PCDHGA8: variants seen among roughly 807,000 people sequenced by gnomAD.
The protein encoded by PCDHGA8 is protocadherin gamma-A8.
In PCDHGA8, 45 loss-of-function variants were observed where a neutral mutation model predicts 59.2. The ratio of observed to expected loss-of-function variants is 0.76; its 90% CI spans 0.60 to 0.98. The LOEUF (loss-of-function observed/expected upper bound fraction) is 0.98. Among genes scored for constraint, PCDHGA8 ranks in the 50% least tolerant of loss-of-function variants. The pLI, the probability that PCDHGA8 is intolerant of heterozygous loss-of-function variation, is 0.00. For synonymous variants in PCDHGA8, 531 were observed against 519.0 expected (o/e 1.02, Z -0.32); for missense variants, 1,257 against 1,196.2 (o/e 1.05, Z -0.75).
At chr5:141,426,442 G>A (rs1205822455) in intron 1 of PCDHGA8, 9 of 306,752 alleles carry the variant, frequency 2.9e-5, no homozygotes, top group African/African-American at 4.3e-5. Context: ...CCTTGCGGAG[G>A]ACATGCGGCT....
chr5:141,404,771 C>T lies in PCDHGA8; in HGVS notation c.2424+9534C>T, dbSNP rs376650362. On this transcript the variant is annotated intron_variant, in intron 1 of 3. Coordinates refer to ENST00000398604, the MANE Select transcript of PCDHGA8 (RefSeq NM_032088.2). Reference sequence around the variant, plus strand: ...AGGCCAGAATGCTTGGCTCTCCTACCGCCTATTCAAGGCCAGTGAGCCAGG... The same window carrying T: ...AGGCCAGAATGCTTGGCTCTCCTACTGCCTATTCAAGGCCAGTGAGCCAGG... The T allele has an allele frequency of 3.3e-5, 53 of 1,613,868 alleles. No homozygotes were observed. Among genetic ancestry groups the T allele is most frequent in the African/African-American group, 1.9e-4 (14 of 74,938 alleles).
intron 1 of PCDHGA8, among the ~76,000 whole-genome samples, chr5:141,430,383 G>GA (rs139772145): frequency 0.061 from 8,436 of 138,452 alleles, 243 homozygotes; most frequent in South Asian, 0.089. Context: ...AGCTCATTGG[G>GA]AAAAAAAAAA....
Position 141,415,510 on chromosome 5 carries a change from T to C in PCDHGA8, c.2424+20273T>C, listed in dbSNP as rs780820182. On this transcript the variant is annotated intron_variant, in intron 1 of 3. Coordinates refer to ENST00000398604, the MANE Select transcript of PCDHGA8 (RefSeq NM_032088.2). ...TCACCTGATCTTCCCCCAGCCCAAT[T>C]ATGCGGACACGCTCATCAGCCAGGA... The C allele has an allele frequency of 2.5e-6, 4 of 1,614,088 alleles. No homozygotes were observed. The African/African-American group carries it at 5.3e-5, about 22-fold the overall frequency.
At position 141,421,063 on chromosome 5, in the gene PCDHGA8, G is replaced by A. The variant is rs575695102; in HGVS notation, c.2424+25826G>A. 4.7e-4 allele frequency: 274 copies of A among 581,982 alleles called. 4 individuals are homozygous for A. The South Asian group carries it at 6.4e-3, about 14-fold the overall frequency. 36.1% of individuals were successfully genotyped at this position (581,982 alleles called of 1,614,324 possible). On this transcript the variant is annotated intron_variant, in intron 1 of 3. Transcript: ENST00000398604. ...CTCCCCCGCCTCTACCACACAAAGC[G>A]GAATGAGATGGATACTCACAGATCC... is the stretch of plus-strand genomic sequence containing the variant.
Position 141,410,397 on chromosome 5 carries a change from G to T in PCDHGA8, c.2424+15160G>T, listed in dbSNP as rs1338071222. Reference sequence around the variant, plus strand: ...TGGGACTGCTTCCATCCTGGTCTCTGTGTCAAGTCTGGACCTGTAGTTCCC... The same window carrying T: ...TGGGACTGCTTCCATCCTGGTCTCTTTGTCAAGTCTGGACCTGTAGTTCCC... On this transcript the variant is annotated intron_variant, in intron 1 of 3. Coordinates refer to ENST00000398604, the MANE Select transcript of PCDHGA8 (RefSeq NM_032088.2). The T allele has an allele frequency of 3.7e-6, 6 of 1,613,930 alleles. No homozygotes were observed. The African/African-American group carries it at 8.0e-5, about 22-fold the overall frequency.
At chr5:141,500,450 C>A (rs2099800340) in intron 2 of PCDHGA8, among the ~76,000 whole-genome samples, 1 of 152,072 alleles carries the variant, frequency 6.6e-6, no homozygotes, top group Non-Finnish European at 1.5e-5. Flanking sequence ...ACCTCGTGAT[C>A]CGCCCGCCTC....
chr5:141,502,282 C>A (rs187281689), intron 2 of PCDHGA8, among the ~76,000 whole-genome samples: 1 of 151,848 alleles, frequency 6.6e-6, no homozygotes, highest in Non-Finnish European at 1.5e-5. Flanking sequence ...GCATAGATTG[C>A]ATTTGGTTGT....
chr5:141,443,254 G>A (rs185181143), intron 1 of PCDHGA8, among the ~76,000 whole-genome samples: 30 of 152,006 alleles, frequency 2.0e-4, no homozygotes, highest in Admixed American at 1.6e-3. Context: ...GCCAAGGCGG[G>A]TGGATCACTT....
chr5:141,430,913 C>A (rs1485488693), intron 1 of PCDHGA8: 1 of 1,607,720 alleles, frequency 6.2e-7, no homozygotes, highest in East Asian at 2.2e-5. Context: ...CTCCAGGGAC[C>A]TGGGGCTGGA....
chr5:141,436,998 A>G (rs985067199), intron 1 of PCDHGA8, among the ~76,000 whole-genome samples: 23 of 152,242 alleles, frequency 1.5e-4, no homozygotes, highest in South Asian at 2.1e-4. Flanking sequence ...GTTTACTTCA[A>G]TGGGATCTTA....
intron 1 of PCDHGA8, chr5:141,426,170 T>G (rs2096918811): frequency 6.4e-6 from 1 of 155,200 alleles, no homozygotes. Flanking sequence ...CCATACGGAT[T>G]GGGGTGCCCT....
chr5:141,398,855 A>C, intron 1 of PCDHGA8: 1 of 1,613,970 alleles, frequency 6.2e-7, no homozygotes, highest in Non-Finnish European at 8.5e-7. Context: ...CCGGTATTCA[A>C]CCGAGACGTG....
At position 141,403,891 on chromosome 5, in the gene PCDHGA8, AT is replaced by A. The variant is rs757338627; in HGVS notation, c.2424+8658del. The A allele has an allele frequency of 3.1e-6, 5 of 1,613,870 alleles. No individual in the cohort carries two copies. In the Admixed American group the frequency reaches 6.7e-5, roughly 22 times the overall value. On this transcript the variant is annotated intron_variant, in intron 1 of 3. Transcript: ENST00000398604. Reference sequence around the variant, plus strand: ...AAAGTCTAGATTATGAAGAATGTTCATTTTATGAAATGGAAATACAAGCTGA... The same window carrying A: ...AAAGTCTAGATTATGAAGAATGTTCATTTATGAAATGGAAATACAAGCTGA...
At chr5:141,478,862 C>A in intron 1 of PCDHGA8, 1 of 1,326,032 alleles carries the variant, frequency 7.5e-7, no homozygotes, top group Non-Finnish European at 1.0e-6. Context: ...AAGATCTCAG[C>A]GATCAGAGTT....
chr5:141,446,398 G>A (rs1379233102), intron 1 of PCDHGA8, among the ~76,000 whole-genome samples: 2 of 152,128 alleles, frequency 1.3e-5, no homozygotes, highest in African/African-American at 2.4e-5. Context: ...AAGAGAAATC[G>A]AGTTGAGTTC....
Position 141,409,702 on chromosome 5 carries a change from G to A in PCDHGA8, c.2424+14465G>A, listed in dbSNP as rs545411022. The A allele has an allele frequency of 2.0e-5, 32 of 1,613,226 alleles. No homozygotes were observed. In the South Asian group the frequency reaches 3.0e-4, roughly 15 times the overall value. On this transcript the variant is annotated intron_variant, in intron 1 of 3. Transcript: ENST00000398604. ...TGGCGAGTGACCTAGAGCCCCTGGC[G>A]GTGTCGTCATACGTGTCAGTGAGCG...
At chr5:141,492,163 C>T (rs921256341) in intron 1 of PCDHGA8, among the ~76,000 whole-genome samples, 22 of 152,232 alleles carry the variant, frequency 1.4e-4, no homozygotes, top group African/African-American at 5.3e-4. Context: ...CCTCCCTATC[C>T]CCGCATCACC....
At chr5:141,447,371 C>G (rs1180989888) in intron 1 of PCDHGA8, among the ~76,000 whole-genome samples, 1 of 151,826 alleles carries the variant, frequency 6.6e-6, no homozygotes, top group African/African-American at 2.4e-5. Context: ...ACTCCTGACC[C>G]TGGTGATCTG....
chr5:141,443,478 C>T (rs2098390426), intron 1 of PCDHGA8, among the ~76,000 whole-genome samples: 1 of 152,052 alleles, frequency 6.6e-6, no homozygotes, highest in East Asian at 1.9e-4. Context: ...AGAATTAGAC[C>T]CTGTCCCAAA....
Sources: allele counts gnomAD v4.1 joint callset (sites outside exome capture counted in the v4.1 genomes callset), GRCh38; gene constraint gnomAD v4.1.1; transcripts MANE v1.5; gene names NCBI Gene and HGNC (gene_info 2026-07-23, HGNC 2026-07-21).